The following HIVEP2 variants were observed in gnomAD, a reference collection of about 807,000 sequenced individuals.
HIVEP2 encodes HIVEP zinc finger 2, also known as transcription factor HIVEP2.
Under a neutral mutation model 180.7 loss-of-function variants are expected in HIVEP2, and 14 were observed. The ratio of observed to expected loss-of-function variants is 0.08; its 90% confidence interval spans 0.05 to 0.12. The LOEUF is 0.12. HIVEP2 is among the 10% of genes least tolerant of loss of function. The pLI is 1.00. For missense variants in HIVEP2, 2,579 were observed against 3,008.5 expected (o/e 0.86, Z 3.34); for synonymous variants, 1,184 against 1,136.4 (o/e 1.04, Z -0.84).
chr6:142,801,775 T>C (rs1450115410), intron 2 of HIVEP2, among the ~76,000 whole-genome samples: 1 of 152,202 alleles, frequency 6.6e-6, no homozygotes, highest in Non-Finnish European at 1.5e-5. Flanking sequence ...CATTGTAAGA[T>C]ATGAATTTTA....
chr6:142,848,811 T>C (rs1483709323), intron 1 of HIVEP2, among the ~76,000 whole-genome samples: 2 of 152,072 alleles, frequency 1.3e-5, no homozygotes, highest in Admixed American at 6.5e-5. Context: ...CCCAAATAAC[T>C]GCTGCTGCCA....
intron 2 of HIVEP2, among the ~76,000 whole-genome samples, chr6:142,806,193 A>T (rs1776544792): frequency 6.6e-6 from 1 of 152,212 alleles, no homozygotes; most frequent in Non-Finnish European, 1.5e-5. Context: ...GAAATAGGAT[A>T]CAAAATGGCT....
At chr6:142,874,925 T>C (rs1183994476) in intron 1 of HIVEP2, among the ~76,000 whole-genome samples, 1 of 152,236 alleles carries the variant, frequency 6.6e-6, no homozygotes, top group Non-Finnish European at 1.5e-5. Context: ...ACAAATTCTT[T>C]AAGTGCTTCC....
Position 142,832,821 on chromosome 6 carries a change from G to A in HIVEP2, c.-528+4114C>T, listed in dbSNP as rs954649432. On this transcript the variant is annotated intron_variant, in intron 2 of 9. Transcript: ENST00000367603. The stretch of plus-strand genomic sequence containing the variant: ...AAGTGATTGGGTAAACTTAACAATT[G>A]GTATCATCAGGTTTCAGTTTCCAGA... Among the ~76,000 whole-genome samples the A allele has an allele frequency of 5.3e-5, 8 of 152,128 alleles. No homozygotes were observed. The East Asian group carries it at 1.5e-3, about 29-fold the overall frequency.
At chr6:142,833,725 T>C (rs1775153171) in intron 2 of HIVEP2, among the ~76,000 whole-genome samples, 1 of 152,206 alleles carries the variant, frequency 6.6e-6, no homozygotes, top group South Asian at 2.1e-4. Flanking sequence ...AATGAAGCCA[T>C]GTAGCTCAAA....
rs1437174052 is a variant in HIVEP2 at position 142,774,447 on chromosome 6, G to C, written c.292C>G (p.Leu98Val). ...GGCAATGAGTGCTGAGGGAAAGAGA[G>C]TGAGTGTTGGCATGAGTAAGGACTC... ...RPSPYSCQHS[L>V]SFPQHSLPQG... The change falls in exon 5 of 10, where the codon CTC (leucine) becomes GTC (valine). Residue 98 changes from leucine to valine, a missense_variant. By Grantham distance (32) the Leu-to-Val change is conservative. Transcript: ENST00000367603. This position sits in a 1 kb window ranked among gnomAD's most constrained non-coding sequence, Gnocchi z 5.1. 1.2e-6 allele frequency: 2 copies of C among 1,614,220 alleles called. No homozygotes were observed. The highest frequency in any genetic ancestry group is 8.5e-7 in the Non-Finnish European group (1 of 1,180,040).
intron 1 of HIVEP2, among the ~76,000 whole-genome samples, chr6:142,893,278 A>G (rs747276269): frequency 5.3e-5 from 8 of 152,246 alleles, no homozygotes; most frequent in Non-Finnish European, 8.8e-5. Flanking sequence ...AAATGAGGTC[A>G]TCATATGTGT....
intron 2 of HIVEP2, among the ~76,000 whole-genome samples, chr6:142,820,779 C>T (rs1777012745): frequency 6.6e-6 from 1 of 151,934 alleles, no homozygotes; most frequent in South Asian, 2.1e-4. Flanking sequence ...GAACAGTACA[C>T]CTCATAACCC....
At chr6:142,872,130 A>G (rs969753629) in intron 1 of HIVEP2, among the ~76,000 whole-genome samples, 4 of 152,186 alleles carry the variant, frequency 2.6e-5, no homozygotes, top group African/African-American at 9.6e-5. Flanking sequence ...AGTCAGTAAC[A>G]ATGGGGACAC....
At chr6:142,834,240 A>G (rs1174062706) in intron 2 of HIVEP2, among the ~76,000 whole-genome samples, 1 of 152,202 alleles carries the variant, frequency 6.6e-6, no homozygotes, top group Non-Finnish European at 1.5e-5. Context: ...AAGGAGAGAT[A>G]AACAGATGAA....
chr6:142,772,213 T>C lies in HIVEP2; in HGVS notation c.2526A>G (p.Ser842=), dbSNP rs767243101. ...CCCACTCAGGACTCACTGGGGCTTC[T>C]GAAATCTCACTGTCACAAGTCTCTG... ...SPSETCDSEI[S]EAPVSPEWAP... is the part of the protein sequence containing the mutation. Residue 842 remains serine (S), a synonymous_variant, in exon 5 of 10, where the codon TCA becomes TCG. Transcript: ENST00000367603. This position sits in a 1 kb window ranked among gnomAD's most constrained non-coding sequence, Gnocchi z 4.9. 2 of 1,614,182 alleles carry C rather than the reference T, an allele frequency of 1.2e-6. No individual in the cohort carries two copies. The highest frequency in any genetic ancestry group is 2.2e-5 in the South Asian group (2 of 91,082).
Position 142,759,809 on chromosome 6 carries a change from T to C in HIVEP2, c.6479A>G (p.Gln2160Arg). 1 of 1,610,322 alleles carries C rather than the reference T, an allele frequency of 6.2e-7. No individual in the cohort carries two copies. The highest frequency in any genetic ancestry group is 8.5e-7 in the Non-Finnish European group (1 of 1,178,784). The part of the protein sequence containing the change: ...LYHNPPLSMG[Q>R]YLQAEPIVLG... ...TACAATTGGCTCTGCTTGCAAATAC[T>C]GTCCCATGGACAATGGTGGGTTATG... The change falls in exon 9 of 10, where the codon CAG (glutamine) becomes CGG (arginine). Residue 2160 changes from glutamine (Q) to arginine (R), a missense_variant. By Grantham distance (43) the Gln-to-Arg change is conservative. Transcript: ENST00000367603.
intron 1 of HIVEP2, among the ~76,000 whole-genome samples, chr6:142,857,127 C>T (rs1775842884): frequency 6.6e-6 from 1 of 151,910 alleles, no homozygotes; most frequent in African/African-American, 2.4e-5. Flanking sequence ...ATCATGACTT[C>T]ACTGTCACCA....
Position 142,753,619 on chromosome 6 carries a change from C to G in HIVEP2, c.6829G>C (p.Val2277Leu), listed in dbSNP as rs762338545. 1.5e-5 allele frequency: 25 copies of G among 1,614,184 alleles called. No homozygotes were observed. The highest frequency in any genetic ancestry group is 2.0e-5 in the Non-Finnish European group (24 of 1,180,032). ...CGCTTCTCATGCTGCTTAGAAAGCA[C>G]ATAGGGGTCCTTGGAGAAGGACTCC... The part of the protein sequence containing the change: ...SGESFSKDPY[V>L]LSKQHEKRGP... The change falls in exon 10 of 10, where the codon GTG (valine) becomes CTG (leucine). Residue 2277 changes from valine (V) to leucine (L), a missense_variant. Around this residue, in one of 11 missense-constraint regions of HIVEP2, gnomAD observed 660 missense variants for 731.7 expected, o/e 0.90. Coordinates refer to ENST00000367603, the MANE Select transcript of HIVEP2 (RefSeq NM_006734.4).
intron 1 of HIVEP2, among the ~76,000 whole-genome samples, chr6:142,896,969 T>C (rs895397730): frequency 5.3e-5 from 8 of 152,236 alleles, no homozygotes; most frequent in Admixed American, 3.3e-4. Flanking sequence ...AGTATGACTA[T>C]ATTGTTCTCT....
At chr6:142,811,215 G>A (rs988770025) in intron 2 of HIVEP2, among the ~76,000 whole-genome samples, 1 of 152,100 alleles carries the variant, frequency 6.6e-6, no homozygotes, top group Non-Finnish European at 1.5e-5. Flanking sequence ...GAGACAGAGA[G>A]AGAGAGAGAC....
At chr6:142,803,457 C>A (rs576657) in intron 2 of HIVEP2, among the ~76,000 whole-genome samples, 1 of 151,782 alleles carries the variant, frequency 6.6e-6, no homozygotes, top group African/African-American at 2.4e-5. Context: ...ACCTACACTA[C>A]GTGGGTACAA....
intron 2 of HIVEP2, among the ~76,000 whole-genome samples, chr6:142,795,398 G>T (rs1376105967): frequency 1.3e-5 from 2 of 151,900 alleles, no homozygotes; most frequent in African/African-American, 2.4e-5. Flanking sequence ...CATTAGCACA[G>T]ATTTTCATCA....
In HIVEP2 at chr6:142,753,390, C is replaced by T. The variant is rs1774974164; in HGVS notation, c.7058G>A (p.Arg2353Gln). 6.2e-7 allele frequency: 1 copy of T among 1,613,954 alleles called. No individual in the cohort carries two copies. Among genetic ancestry groups the T allele is most frequent in the Non-Finnish European group, 8.5e-7 (1 of 1,180,026 alleles). Residue 2353 changes from arginine (R) to glutamine (Q), a missense_variant, in exon 10 of 10, where the codon CGG becomes CAG. Transcript: ENST00000367603. Reference protein sequence around the residue: ...AALLGPDQPARVQEPHQNPLG... With the variant: ...AALLGPDQPAQVQEPHQNPLG... ...GGGGTTCTGGTGGGGCTCCTGCACC[C>T]GCGCTGGCTGATCTGGCCCGAGCAG...
Sources: gnomAD v4.1 joint callset for allele counts (sites outside exome capture counted in the v4.1 genomes callset) on GRCh38, gnomAD v4.1.1 for gene constraint, gnomAD v4.1.1 regional missense constraint, Gnocchi (gnomAD v3.1) non-coding constraint, MANE v1.5 for transcripts, NCBI Gene and HGNC (gene_info 2026-07-23, HGNC 2026-07-21) for gene names.